Variants in AGBL1 observed in about 807,000 individuals in gnomAD.
The protein encoded by AGBL1 is cytosolic carboxypeptidase 4.
Under a neutral mutation model 118.9 loss-of-function variants are expected in AGBL1, and 130 were observed. The observed-to-expected ratio is 1.09, with a 90% CI of 0.95 to 1.26. AGBL1 has a LOEUF of 1.26. Among genes scored for constraint, AGBL1 ranks in the 50% most tolerant of loss-of-function variants. The pLI is 0.00. For synonymous variants in AGBL1, 555 were observed against 478.9 expected (o/e 1.16, Z -2.08); for missense variants, 1,584 against 1,298.1 (o/e 1.22, Z -3.38).
chr15:86,733,710 T>C (rs1038659667), intron 22 of AGBL1, among the ~76,000 whole-genome samples: 3 of 152,218 alleles, frequency 2.0e-5, no homozygotes, highest in African/African-American at 7.2e-5. Context: ...TGAGGAGCTA[T>C]CATTAGCCAT....
At chr15:86,482,591 T>G (rs75199958) in intron 18 of AGBL1, among the ~76,000 whole-genome samples, 6,201 of 152,158 alleles carry the variant, frequency 0.041, 182 homozygotes, top group East Asian at 0.084. Context: ...CCTTCATGTT[T>G]TATATTAAGA....
At chr15:86,808,338 A>G (rs764757295) in intron 22 of AGBL1, among the ~76,000 whole-genome samples, 27 of 152,300 alleles carry the variant, frequency 1.8e-4, no homozygotes, top group Admixed American at 9.8e-4. Context: ...AACAGCTTTC[A>G]GAAACACCTG....
chr15:86,295,233 G>A (rs62015567), intron 16 of AGBL1, 22 bp from the exon 17 acceptor site: 2 of 1,611,608 alleles, frequency 1.2e-6, no homozygotes, highest in East Asian at 2.2e-5. Context: ...TAATATACAT[G>A]CCTGCTTTAT....
chr15:86,926,599 G>A (rs995688933), intron 23 of AGBL1, among the ~76,000 whole-genome samples: 2 of 152,226 alleles, frequency 1.3e-5, no homozygotes, highest in Non-Finnish European at 2.9e-5. Context: ...AGCTCTAATA[G>A]GAATGCCATA....
chr15:86,565,104 A>G (rs187415449), intron 21 of AGBL1, among the ~76,000 whole-genome samples: 1 of 152,258 alleles, frequency 6.6e-6, no homozygotes, highest in East Asian at 1.9e-4. Context: ...GAGAAGTTTG[A>G]TCGTCTGAAG....
intron 23 of AGBL1, among the ~76,000 whole-genome samples, chr15:86,949,591 AAAAG>A (rs996080444): frequency 4.6e-5 from 7 of 152,156 alleles, no homozygotes; most frequent in Non-Finnish European, 8.8e-5. Context: ...CTGCTAAAGA[AAAAG>A]AAAGGGGTTA....
chr15:86,796,915 C>T (rs957669732), intron 22 of AGBL1, among the ~76,000 whole-genome samples: 7 of 152,178 alleles, frequency 4.6e-5, no homozygotes, highest in African/African-American at 1.2e-4. Flanking sequence ...TCAGAATCAA[C>T]CAGAATGAAC....
intron 22 of AGBL1, among the ~76,000 whole-genome samples, chr15:86,820,261 G>A (rs1398744611): frequency 6.6e-6 from 1 of 152,100 alleles, no homozygotes; most frequent in Non-Finnish European, 1.5e-5. Context: ...AACACCAAAA[G>A]CAATGGCAAC....
chr15:86,332,825 TA>T, intron 17 of AGBL1, among the ~76,000 whole-genome samples: 1 of 152,092 alleles, frequency 6.6e-6, no homozygotes, highest in Middle Eastern at 3.4e-3. Context: ...CTCAATAAAT[TA>T]AAAACACTAG....
At chr15:86,489,819 G>T (rs1365519612) in intron 18 of AGBL1, among the ~76,000 whole-genome samples, 1 of 152,108 alleles carries the variant, frequency 6.6e-6, no homozygotes, top group African/African-American at 2.4e-5. Flanking sequence ...TCAGCAGGGG[G>T]CACATCTCAC....
intron 19 of AGBL1, among the ~76,000 whole-genome samples, chr15:86,542,498 C>T (rs1214682721): frequency 6.6e-6 from 1 of 151,544 alleles, no homozygotes; most frequent in African/African-American, 2.4e-5. Flanking sequence ...TCCTAAGTAG[C>T]TGGGATTACA....
chr15:86,643,220 T>G (rs781507090), intron 21 of AGBL1, among the ~76,000 whole-genome samples: 3 of 152,214 alleles, frequency 2.0e-5, no homozygotes, highest in Non-Finnish European at 4.4e-5. Flanking sequence ...ACATATATAT[T>G]CAACATATAT....
chr15:86,339,178 A>T (rs2080421491), intron 17 of AGBL1, among the ~76,000 whole-genome samples: 1 of 152,042 alleles, frequency 6.6e-6, no homozygotes, highest in South Asian at 2.1e-4. Flanking sequence ...ATATTGTGCC[A>T]CTTCATTTGG....
chr15:86,697,174 T>C (rs1192013824), intron 22 of AGBL1, among the ~76,000 whole-genome samples: 1 of 151,968 alleles, frequency 6.6e-6, no homozygotes, highest in East Asian at 1.9e-4. Context: ...TTTCCTCAAT[T>C]ATTTCCCCTA....
chr15:86,683,689 A>G (rs1438504462), intron 22 of AGBL1, among the ~76,000 whole-genome samples: 7 of 152,184 alleles, frequency 4.6e-5, no homozygotes, highest in African/African-American at 1.7e-4. Flanking sequence ...AGCCCCTGGA[A>G]AAGGATTTCA....
chr15:86,860,283 A>G (rs1387314571), intron 22 of AGBL1, among the ~76,000 whole-genome samples: 3 of 152,228 alleles, frequency 2.0e-5, no homozygotes, highest in Non-Finnish European at 4.4e-5. Context: ...GCACATGGTG[A>G]GTTCTGAATA....
chr15:87,014,911 GA>G (rs780056323), intron 24 of AGBL1, among the ~76,000 whole-genome samples: 4 of 152,118 alleles, frequency 2.6e-5, no homozygotes, highest in Non-Finnish European at 5.9e-5. Flanking sequence ...GATGGCTGGT[GA>G]AGCATTGTTT....
chr15:86,168,656 G>A (rs1428836260), intron 5 of AGBL1, among the ~76,000 whole-genome samples: 2 of 152,156 alleles, frequency 1.3e-5, no homozygotes, highest in Non-Finnish European at 2.9e-5. Context: ...AACGATGTTT[G>A]TTGTGGGAAA....
chr15:86,893,006 A>G (rs1445656598), intron 22 of AGBL1, among the ~76,000 whole-genome samples: 2 of 152,150 alleles, frequency 1.3e-5, no homozygotes, highest in Non-Finnish European at 2.9e-5. Flanking sequence ...CCTGGAGAAA[A>G]TAGATAGAAG....
Sources: gnomAD v4.1 joint callset for allele counts (sites outside exome capture counted in the v4.1 genomes callset) on GRCh38, gnomAD v4.1.1 for gene constraint, MANE v1.5 for transcripts, NCBI Gene and HGNC (gene_info 2026-07-23, HGNC 2026-07-21) for gene names.